Variants in PCDHA1 observed in about 807,000 individuals in gnomAD.
PCDHA1 encodes protocadherin alpha-1.
PCDHA1 carries 42 observed loss-of-function variants against 61.3 expected under a neutral mutation model. The observed-to-expected ratio is 0.69, with a 90% CI of 0.54 to 0.89. The LOEUF is 0.89. Ranked by LOEUF, PCDHA1 falls within the 40% of genes least tolerant of loss-of-function variation. PCDHA1 has a pLI of 0.00. For synonymous variants in PCDHA1, 610 were observed against 553.8 expected (o/e 1.10, Z -1.43); for missense variants, 1,256 against 1,235.3 (o/e 1.02, Z -0.25).
At chr5:140,796,210 G>T (rs782513202) in intron 1 of PCDHA1, 6 of 1,614,190 alleles carry the variant, frequency 3.7e-6, no homozygotes, top group Non-Finnish European at 5.1e-6. Flanking sequence ...CCTGGACCGC[G>T]AGAGCGTGTC....
intron 1 of PCDHA1, among the ~76,000 whole-genome samples, chr5:140,832,590 A>G (rs1369874784): frequency 6.6e-6 from 1 of 152,206 alleles, no homozygotes; most frequent in Admixed American, 6.5e-5. Flanking sequence ...GGAAGTAGAG[A>G]ACTATAGCGT....
intron 1 of PCDHA1, among the ~76,000 whole-genome samples, chr5:140,946,530 C>T (rs2093957873): frequency 6.6e-6 from 1 of 150,514 alleles, no homozygotes; most frequent in African/African-American, 2.5e-5. Context: ...CTCCCATGTT[C>T]ATTGCAGCAT....
Position 140,982,515 on chromosome 5 carries a change from C to A in PCDHA1, c.2494C>A (p.Pro832Thr), listed in dbSNP as rs1278779763. ...LEEAGILRAG[P>T]GGPDQQWPTV... ...GGAGGCTGGCATTCTACGGGCTGGT[C>A]CAGGAGGGCCTGATCAGCAGTGGCC... Residue 832 changes from proline (P) to threonine (T), a missense_variant, in exon 3 of 4, where the codon CCA becomes ACA. Pro to Thr is a conservative substitution (Grantham distance 38, BLOSUM62 -1). Transcript: ENST00000504120. 3 of 1,614,058 alleles carry A rather than the reference C, an allele frequency of 1.9e-6. No individual in the cohort carries two copies. Among genetic ancestry groups the A allele is most frequent in the Middle Eastern group, 1.6e-4 (1 of 6,080 alleles).
chr5:140,869,602 C>T (rs2051279273), intron 1 of PCDHA1: 2 of 1,613,922 alleles, frequency 1.2e-6, no homozygotes, highest in Non-Finnish European at 8.5e-7. Flanking sequence ...AGAGAATGCT[C>T]TATTGACCTA....
At chr5:140,916,377 C>T (rs1436518298) in intron 1 of PCDHA1, among the ~76,000 whole-genome samples, 4 of 152,092 alleles carry the variant, frequency 2.6e-5, no homozygotes, top group African/African-American at 9.7e-5. Flanking sequence ...CTGTAGCCAC[C>T]ACAACTAGGA....
intron 1 of PCDHA1, among the ~76,000 whole-genome samples, chr5:140,940,219 T>C (rs1554213221): frequency 6.6e-6 from 1 of 152,180 alleles, no homozygotes; most frequent in Non-Finnish European, 1.5e-5. Context: ...TTGGCATTTA[T>C]TTCATTTTGG....
At chr5:140,977,107 T>C (rs1419522797) in intron 1 of PCDHA1, among the ~76,000 whole-genome samples, 2 of 152,166 alleles carry the variant, frequency 1.3e-5, no homozygotes, top group Non-Finnish European at 2.9e-5. Flanking sequence ...GGAAGTGAGA[T>C]TGTATAATGA....
At position 140,828,503 on chromosome 5, in the gene PCDHA1, CA is replaced by C. The variant is rs2150156146; in HGVS notation, c.2394+39822del. The stretch of plus-strand genomic sequence containing the variant: ...CCCGCCCTTGTTCCCGGTAGAGGAA[CA>C]AAGAGTGCTGATTTACGAATCTAGG... On this transcript the variant is annotated intron_variant, in intron 1 of 3. Coordinates refer to ENST00000504120, the MANE Select transcript of PCDHA1 (RefSeq NM_018900.4). 1.9e-6 allele frequency: 3 copies of C among 1,614,120 alleles called. No individual in the cohort carries two copies. The Admixed American group carries it at 5.0e-5, about 27-fold the overall frequency.
chr5:140,853,754 A>C, intron 1 of PCDHA1: 1 of 988,728 alleles, frequency 1.0e-6, no homozygotes, highest in Non-Finnish European at 1.2e-6. Flanking sequence ...TCAAGGCTCC[A>C]CCTCAGAAAT....
intron 1 of PCDHA1, chr5:140,875,283 C>G (rs1554167582): frequency 7.3e-7 from 1 of 1,362,346 alleles, no homozygotes; most frequent in Non-Finnish European, 9.6e-7. Context: ...GAAGGTGAAA[C>G]AGGAAAATTT....
At chr5:140,830,195 A>G (rs2150182609) in intron 1 of PCDHA1, 2 of 1,613,696 alleles carry the variant, frequency 1.2e-6, no homozygotes, top group Non-Finnish European at 1.7e-6. Flanking sequence ...GTACCTGATC[A>G]TCGCCATCTG....
intron 1 of PCDHA1, chr5:140,868,931 G>C: frequency 9.2e-7 from 1 of 1,092,440 alleles, no homozygotes; most frequent in Non-Finnish European, 1.3e-6. Context: ...TCATTTAAAG[G>C]TTGGTCTGAA....
intron 1 of PCDHA1, chr5:140,968,472 T>C (rs1554230782): frequency 6.2e-7 from 1 of 1,614,130 alleles, no homozygotes; most frequent in Non-Finnish European, 8.5e-7. Context: ...AACGTATATG[T>C]GGTGGACATG....
At chr5:140,796,071 T>G (rs1554119684) in intron 1 of PCDHA1, 2 of 1,614,208 alleles carry the variant, frequency 1.2e-6, no homozygotes, top group South Asian at 1.1e-5. Context: ...GCACTGTCAT[T>G]GCTCTCATCA....
At chr5:140,863,423 T>A (rs1334887353) in intron 1 of PCDHA1, 2 of 677,498 alleles carry the variant, frequency 3.0e-6, no homozygotes, top group Non-Finnish European at 5.2e-6. Flanking sequence ...TACCGCAGCG[T>A]AGTGGGATCT....
rs781812002 is a variant in PCDHA1, at chr5:140,787,196, T to C, written c.906T>C (p.Ile302=). 6.8e-6 allele frequency: 11 copies of C among 1,613,952 alleles called. No homozygotes were observed. In the South Asian group the frequency reaches 1.2e-4, roughly 18 times the overall value. ...AAGTTGATTCCAGCTCAGGAGAAAT[T>C]AGGTTAATTGATAAACTGGATTATG... is the stretch of plus-strand genomic sequence containing the variant. ...KFKVDSSSGE[I]RLIDKLDYEE... is the part of the protein sequence containing the mutation. The change falls in exon 1 of 4, where the codon ATT becomes ATC. Residue 302 remains isoleucine (I), a synonymous_variant. Coordinates refer to ENST00000504120, the MANE Select transcript of PCDHA1 (RefSeq NM_018900.4).
intron 1 of PCDHA1, chr5:140,862,841 C>A (rs782790470): frequency 7.0e-5 from 40 of 573,022 alleles, no homozygotes; most frequent in South Asian, 4.5e-4. Flanking sequence ...GCGGGCATGC[C>A]GCCTCTGAGC....
intron 1 of PCDHA1, chr5:140,807,613 C>A (rs1384362568): frequency 1.2e-6 from 2 of 1,614,064 alleles, no homozygotes; most frequent in Admixed American, 1.7e-5. Flanking sequence ...ACCTGTCCAT[C>A]GCGGAATCCA....
At chr5:140,857,799 T>A (rs1554150681) in intron 1 of PCDHA1, 1 of 1,597,340 alleles carries the variant, frequency 6.3e-7, no homozygotes, top group Non-Finnish European at 8.6e-7. Flanking sequence ...CTGCGGTCGG[T>A]GGTTGCGGGT....
Sources: allele counts gnomAD v4.1 joint callset (sites outside exome capture counted in the v4.1 genomes callset), GRCh38; gene constraint gnomAD v4.1.1; transcripts MANE v1.5; gene names NCBI Gene and HGNC (gene_info 2026-07-23, HGNC 2026-07-21).